CNTN4: variants seen among roughly 807,000 people sequenced by gnomAD.
CNTN4 encodes the protein contactin-4.
Under a neutral mutation model 122.5 loss-of-function variants are expected in CNTN4, and 77 were observed. The observed-to-expected ratio is 0.63, with a 90% confidence interval of 0.52 to 0.76. The LOEUF (loss-of-function observed/expected upper bound fraction) is 0.76, where lower values mean the gene tolerates loss of function less well. CNTN4 is among the 30% of genes least tolerant of loss of function. The pLI, the probability that CNTN4 is intolerant of heterozygous loss-of-function variation, is 0.00. For missense variants in CNTN4, 1,256 were observed against 1,259.1 expected (o/e 1.00, Z 0.04); for synonymous variants, 512 against 447.0 (o/e 1.15, Z -1.83).
chr3:2,727,646 C>T (rs1031729115), intron 4 of CNTN4, among the ~76,000 whole-genome samples: 10 of 152,302 alleles, frequency 6.6e-5, no homozygotes, highest in African/African-American at 2.4e-4. Context: ...CCAGCACTTC[C>T]CCGTCCTACC....
intron 3 of CNTN4, among the ~76,000 whole-genome samples, chr3:2,384,736 T>C (rs989650985): frequency 6.6e-6 from 1 of 151,286 alleles, no homozygotes; most frequent in Admixed American, 6.6e-5. Flanking sequence ...CCCTGGCTCC[T>C]ACACCAGTAA....
At chr3:3,039,145 T>C in intron 19 of CNTN4, 142 bp downstream of exon 19, 1 of 742,392 alleles carries the variant, frequency 1.3e-6, no homozygotes. Context: ...CCCTCTCACG[T>C]AGCTAATGGC....
At chr3:2,146,905 C>T (rs1215537712) in intron 2 of CNTN4, among the ~76,000 whole-genome samples, 5 of 151,966 alleles carry the variant, frequency 3.3e-5, no homozygotes, top group Admixed American at 1.3e-4. Context: ...TTTTTTGAGA[C>T]GGAGGCTCAC....
chr3:2,416,585 A>G (rs2047421620), intron 3 of CNTN4, among the ~76,000 whole-genome samples: 1 of 152,164 alleles, frequency 6.6e-6, no homozygotes, highest in South Asian at 2.1e-4. Context: ...GAGTTTCCAG[A>G]TGCCACTCTT....
chr3:2,582,759 G>T (rs867016930), intron 4 of CNTN4, among the ~76,000 whole-genome samples: 11 of 152,146 alleles, frequency 7.2e-5, no homozygotes, highest in African/African-American at 2.7e-4. Flanking sequence ...TCCTAGATTG[G>T]CATCCCTAGG....
At chr3:3,036,388 C>G (rs1699606893) in intron 17 of CNTN4, among the ~76,000 whole-genome samples, 1 of 152,098 alleles carries the variant, frequency 6.6e-6, no homozygotes, top group Non-Finnish European at 1.5e-5. Flanking sequence ...GAGATGAATT[C>G]TAGACCTGAC....
chr3:2,736,281 C>G lies in CNTN4; in HGVS notation c.122C>G (p.Ser41Cys), dbSNP rs764028050. ...EPSPVMFPLD[S>C]EEKKVKLNCE... ...AGTCCTGTAATGTTCCCTTTGGATT[C>G]TGAGGAGAAAAAAGTGAAGCTCAAT... The change falls in exon 5 of 25, where the codon TCT (serine) becomes TGT (cysteine). Residue 41 changes from serine (S) to cysteine (C), a missense_variant. Coordinates refer to ENST00000418658, the MANE Select transcript of CNTN4 (RefSeq NM_175607.3). 1 of 1,613,438 alleles carries G rather than the reference C, an allele frequency of 6.2e-7. No individual in the cohort carries two copies. The highest frequency in any genetic ancestry group is 1.3e-5 in the African/African-American group (1 of 74,924).
intron 4 of CNTN4, among the ~76,000 whole-genome samples, chr3:2,635,933 C>G (rs577612905): frequency 1.3e-5 from 2 of 152,134 alleles, no homozygotes; most frequent in African/African-American, 4.8e-5. Flanking sequence ...ATTGCCTAAC[C>G]GAGCACCTGC....
At position 2,655,614 on chromosome 3, in the gene CNTN4, A is replaced by T. The variant is rs530935269; in HGVS notation, c.56-80601A>T. ...GCAAAATAATAGCTGTTTCCAGAAT[A>T]AGTCATTGAGTCATCTGAAAGTACA... On this transcript the variant is annotated intron_variant, in intron 4 of 24. Transcript: ENST00000418658. Among the ~76,000 whole-genome samples the T allele has an allele frequency of 6.6e-5, 10 of 152,316 alleles. No individual in the cohort carries two copies. In the East Asian group the frequency reaches 1.9e-3, roughly 29 times the overall value.
intron 4 of CNTN4, among the ~76,000 whole-genome samples, chr3:2,573,628 A>G (rs2079526241): frequency 6.6e-6 from 1 of 152,212 alleles, no homozygotes; most frequent in Non-Finnish European, 1.5e-5. Flanking sequence ...AGGGTTAAAA[A>G]TCAAGAAAGC....
intron 2 of CNTN4, among the ~76,000 whole-genome samples, chr3:2,287,952 G>T (rs1418080527): frequency 3.3e-5 from 5 of 152,138 alleles, no homozygotes; most frequent in African/African-American, 1.2e-4. Flanking sequence ...TGAGAATAAA[G>T]ATCTCATTTT....
At chr3:2,651,364 CCTT>C (rs1246683883) in intron 4 of CNTN4, among the ~76,000 whole-genome samples, 3 of 152,150 alleles carry the variant, frequency 2.0e-5, no homozygotes, top group Non-Finnish European at 2.9e-5. Flanking sequence ...TTTATTCTCT[CCTT>C]CTCCCAAAAA....
At position 3,037,283 on chromosome 3, in the gene CNTN4, G is replaced by A. The variant is rs1329114875; in HGVS notation, c.2047G>A (p.Gly683Arg). 5.6e-6 allele frequency: 9 copies of A among 1,613,996 alleles called. No homozygotes were observed. The highest frequency in any genetic ancestry group is 8.5e-7 in the Non-Finnish European group (1 of 1,180,010). The change falls in exon 18 of 25, where the codon GGG (glycine) becomes AGG (arginine). Residue 683 changes from glycine to arginine, a missense_variant. Transcript: ENST00000418658. ...RTVAANVIGI[G>R]EPSRPSEKRR... is the part of the protein sequence containing the mutation. Reference sequence around the variant, plus strand: ...AGTTGCAGCCAACGTGATTGGGATTGGGGAGCCCAGCCGCCCCTCAGAGAA... The same window carrying A: ...AGTTGCAGCCAACGTGATTGGGATTAGGGAGCCCAGCCGCCCCTCAGAGAA...
chr3:2,943,630 ATTT>A (rs367606924), intron 13 of CNTN4, among the ~76,000 whole-genome samples: 1 of 128,264 alleles, frequency 7.8e-6, no homozygotes, highest in South Asian at 2.5e-4. Flanking sequence ...ATATATATAT[ATTT>A]TTTTTTTTTG....
intron 4 of CNTN4, among the ~76,000 whole-genome samples, chr3:2,640,717 C>G (rs1337310965): frequency 1.3e-5 from 2 of 152,092 alleles, no homozygotes; most frequent in African/African-American, 4.8e-5. Context: ...TGAGGAAGGT[C>G]TATGATCAGA....
At chr3:2,614,860 A>C (rs2081646371) in intron 4 of CNTN4, among the ~76,000 whole-genome samples, 1 of 152,152 alleles carries the variant, frequency 6.6e-6, no homozygotes, top group South Asian at 2.1e-4. Flanking sequence ...TGCATATAAA[A>C]AAGCAAAGAA....
chr3:2,948,443 G>T (rs1368162497), intron 13 of CNTN4, among the ~76,000 whole-genome samples: 1 of 152,180 alleles, frequency 6.6e-6, no homozygotes, highest in Non-Finnish European at 1.5e-5. Context: ...GCAAGTGGTG[G>T]TGGTAACAGA....
intron 2 of CNTN4, among the ~76,000 whole-genome samples, chr3:2,191,717 C>CAG (rs1281782753): frequency 6.6e-6 from 1 of 151,618 alleles, no homozygotes; most frequent in Non-Finnish European, 1.5e-5. Flanking sequence ...TATACACACA[C>CAG]ACACACATAC....
chr3:2,603,266 A>G (rs1036603817), intron 4 of CNTN4, among the ~76,000 whole-genome samples: 1 of 152,220 alleles, frequency 6.6e-6, no homozygotes, highest in Admixed American at 6.5e-5. Context: ...ATGAGATTTG[A>G]AATGCAGCGT....
Sources: gnomAD v4.1 joint callset for allele counts (sites outside exome capture counted in the v4.1 genomes callset) on GRCh38, gnomAD v4.1.1 for gene constraint, MANE v1.5 for transcripts, NCBI Gene and HGNC (gene_info 2026-07-23, HGNC 2026-07-21) for gene names.